Variants in CADPS observed in about 807,000 individuals in gnomAD.
CADPS encodes the protein calcium-dependent secretion activator 1.
A neutral mutation model predicts 167.3 loss-of-function variants in CADPS; 57 were observed. The ratio of observed to expected loss-of-function variants is 0.34; its 90% confidence interval spans 0.28 to 0.42. CADPS has a LOEUF of 0.42. CADPS is among the 20% of genes least tolerant of loss of function. The pLI, the probability that CADPS is intolerant of heterozygous loss-of-function variation, is 1.00. For missense variants in CADPS, 1,414 were observed against 1,738.1 expected, an observed-to-expected ratio of 0.81 and a Z score of 3.32; for synonymous variants, 676 against 635.3, an observed-to-expected ratio of 1.06 and a Z score of -0.96.
chr3:62,697,609 T>C (rs1287900173), intron 3 of CADPS, among the ~76,000 whole-genome samples: 2 of 152,104 alleles, frequency 1.3e-5, no homozygotes, highest in Non-Finnish European at 2.9e-5. Context: ...TCTTTTCCTC[T>C]GGATAGATAT....
At chr3:62,784,980 T>C (rs577005340) in intron 1 of CADPS, among the ~76,000 whole-genome samples, 20 of 152,284 alleles carry the variant, frequency 1.3e-4, no homozygotes, top group African/African-American at 4.8e-4. Context: ...TACGGTGGGT[T>C]ATGTTTGAAA....
rs9843793 is a variant in CADPS at position 62,601,786 on chromosome 3, C to G, written c.1326-9038G>C. Among the ~76,000 whole-genome samples, 34 of 152,258 alleles carry G rather than the reference C, an allele frequency of 2.2e-4. No individual in the cohort carries two copies. The highest frequency in any genetic ancestry group is 8.2e-4 in the African/African-American group (34 of 41,556). On this transcript the variant is annotated intron_variant, in intron 6 of 29. Coordinates refer to ENST00000383710, the MANE Select transcript of CADPS (RefSeq NM_003716.4). This position sits in a 1 kb window ranked among gnomAD's most constrained non-coding sequence, Gnocchi z 4.3. ...GGGGGATGGGGATGACTTTTAAAGT[C>G]ACAGCACATTATTTCTCCAAACCTG...
chr3:62,764,911 T>G (rs2086464760), intron 2 of CADPS, among the ~76,000 whole-genome samples: 1 of 152,356 alleles, frequency 6.6e-6, no homozygotes, highest in Non-Finnish European at 1.5e-5. Context: ...AAGTTTACCA[T>G]TATTACTGTG....
intron 1 of CADPS, among the ~76,000 whole-genome samples, chr3:62,866,423 C>T (rs1043911029): frequency 6.6e-6 from 1 of 151,994 alleles, no homozygotes; most frequent in African/African-American, 2.4e-5. Flanking sequence ...TACTACATGT[C>T]AGGTACTGTT....
chr3:62,466,641 G>A (rs914035297), intron 24 of CADPS: 11 of 571,310 alleles, frequency 1.9e-5, no homozygotes, highest in African/African-American at 1.9e-4. Flanking sequence ...CAAGGCTTTC[G>A]ATGCTTCTAA....
At chr3:62,873,402 A>C (rs1033750245) in intron 1 of CADPS, among the ~76,000 whole-genome samples, 2 of 152,208 alleles carry the variant, frequency 1.3e-5, no homozygotes, top group Non-Finnish European at 2.9e-5. Flanking sequence ...GACTGGCCTC[A>C]CACTGCCTCT....
intron 2 of CADPS, among the ~76,000 whole-genome samples, chr3:62,754,494 T>G (rs2083419072): frequency 6.6e-6 from 1 of 152,082 alleles, no homozygotes; most frequent in Non-Finnish European, 1.5e-5. Context: ...AGAATTTAAT[T>G]TTTTATTTTA....
intron 1 of CADPS, among the ~76,000 whole-genome samples, chr3:62,794,540 C>T (rs1326105088): frequency 6.6e-6 from 1 of 152,172 alleles, no homozygotes. Flanking sequence ...ACATGTAAAC[C>T]ATTCTGCATA....
intron 3 of CADPS, among the ~76,000 whole-genome samples, chr3:62,691,346 A>G (rs1404081491): frequency 6.6e-6 from 1 of 152,016 alleles, no homozygotes; most frequent in Non-Finnish European, 1.5e-5. Flanking sequence ...ATGATATATC[A>G]GTGTAGGCTC....
chr3:62,462,728 T>C (rs889856793), intron 26 of CADPS, among the ~76,000 whole-genome samples: 2 of 152,212 alleles, frequency 1.3e-5, no homozygotes, highest in Non-Finnish European at 2.9e-5. Flanking sequence ...TTCACAGGTT[T>C]CAAGCTCTTT....
At chr3:62,406,020 C>T (rs1357940427) in intron 28 of CADPS, among the ~76,000 whole-genome samples, 1 of 152,186 alleles carries the variant, frequency 6.6e-6, no homozygotes, top group African/African-American at 2.4e-5. Context: ...TTGCCAATGT[C>T]ACACAGTGAG....
chr3:62,460,773 G>A (rs572030845), intron 26 of CADPS, among the ~76,000 whole-genome samples: 1 of 152,284 alleles, frequency 6.6e-6, no homozygotes, highest in South Asian at 2.1e-4. Flanking sequence ...CAATCAAAAT[G>A]CTGGCAAAAG....
At chr3:62,680,799 C>T (rs1462219104) in intron 3 of CADPS, among the ~76,000 whole-genome samples, 1 of 151,934 alleles carries the variant, frequency 6.6e-6, no homozygotes, top group Non-Finnish European at 1.5e-5. Context: ...ACTATGAAAC[C>T]AAGAATTTCT....
chr3:62,841,696 G>C (rs1577161891), intron 1 of CADPS, among the ~76,000 whole-genome samples: 1 of 152,284 alleles, frequency 6.6e-6, no homozygotes, highest in Middle Eastern at 3.4e-3. Flanking sequence ...GTGAGAACCT[G>C]TCTCAAAAAT....
chr3:62,625,428 T>C (rs2600849), intron 6 of CADPS: 140,836 of 149,396 alleles, frequency 0.94, 66,831 homozygotes, highest in East Asian at 1. Flanking sequence ...CACACACATG[T>C]TCACATGAAT....
intron 18 of CADPS, among the ~76,000 whole-genome samples, chr3:62,495,039 T>C (rs1302673934): frequency 6.6e-6 from 1 of 152,166 alleles, no homozygotes; most frequent in African/African-American, 2.4e-5. Context: ...ATAGAGAACT[T>C]CATCCCTCAT....
chr3:62,405,448 G>GAA (rs35356402), intron 28 of CADPS, among the ~76,000 whole-genome samples: 176 of 128,024 alleles, frequency 1.4e-3, no homozygotes, highest in East Asian at 6.0e-3. Context: ...CACCTTTCAG[G>GAA]AAAAAAAAAA....
At chr3:62,870,063 A>G (rs1477673887) in intron 1 of CADPS, among the ~76,000 whole-genome samples, 1 of 152,180 alleles carries the variant, frequency 6.6e-6, no homozygotes, top group Non-Finnish European at 1.5e-5. Flanking sequence ...AGAACCTTTC[A>G]TGGTATTCCG....
intron 11 of CADPS, among the ~76,000 whole-genome samples, chr3:62,541,063 G>A (rs2075603056): frequency 6.6e-6 from 1 of 152,184 alleles, no homozygotes; most frequent in Admixed American, 6.6e-5. Context: ...GGAGGGTAAA[G>A]TGGCTGCTTA....
Sources: allele counts gnomAD v4.1 joint callset (sites outside exome capture counted in the v4.1 genomes callset), GRCh38; gene constraint gnomAD v4.1.1; non-coding constraint Gnocchi (gnomAD v3.1); transcripts MANE v1.5; gene names NCBI Gene and HGNC (gene_info 2026-07-23, HGNC 2026-07-21).